SCN11A: variants seen among roughly 807,000 people sequenced by gnomAD.
SCN11A encodes the protein sodium channel protein type 11 subunit alpha.
In SCN11A, 122 loss-of-function variants were observed where a neutral mutation model predicts 162.2. The observed-to-expected ratio is 0.75, with a 90% CI of 0.65 to 0.87. SCN11A has a LOEUF of 0.87. Ranked by LOEUF, SCN11A falls within the 40% of genes least tolerant of loss-of-function variation. SCN11A has a pLI of 0.00. For missense variants in SCN11A, 2,015 were observed against 2,181.6 expected, an observed-to-expected ratio of 0.92 and a Z score of 1.52; for synonymous variants, 758 against 751.5, an observed-to-expected ratio of 1.01 and a Z score of -0.14.
intron 7 of SCN11A, among the ~76,000 whole-genome samples, chr3:38,927,597 T>C (rs772731937): frequency 2.0e-5 from 3 of 152,122 alleles, no homozygotes; most frequent in Non-Finnish European, 4.4e-5. Context: ...TAATTTATCA[T>C]GGAAAGAGAT....
chr3:39,025,564 T>C (rs1258439135), intron 2 of SCN11A, among the ~76,000 whole-genome samples: 2 of 152,024 alleles, frequency 1.3e-5, no homozygotes, highest in Non-Finnish European at 2.9e-5. Flanking sequence ...GGTAACTTCC[T>C]GGCATTGCCA....
chr3:39,032,010 A>C (rs2031773013), intron 2 of SCN11A, among the ~76,000 whole-genome samples: 1 of 152,212 alleles, frequency 6.6e-6, no homozygotes, highest in Non-Finnish European at 1.5e-5. Context: ...AAAAACCAAA[A>C]ATGGTTATAC....
chr3:38,986,258 GAC>G (rs2030238221), intron 2 of SCN11A, among the ~76,000 whole-genome samples: 1 of 150,560 alleles, frequency 6.6e-6, no homozygotes, highest in South Asian at 2.1e-4. Flanking sequence ...AGGAAGTGCC[GAC>G]AGAGCCAGCA....
intron 19 of SCN11A, among the ~76,000 whole-genome samples, chr3:38,893,261 A>C (rs1211593701): frequency 6.6e-6 from 1 of 152,172 alleles, no homozygotes; most frequent in African/African-American, 2.4e-5. Flanking sequence ...AACTTACTAG[A>C]GATAAAGAGG....
At chr3:38,928,065 C>T (rs1291622888) in intron 7 of SCN11A, among the ~76,000 whole-genome samples, 3 of 152,150 alleles carry the variant, frequency 2.0e-5, no homozygotes, top group Admixed American at 1.3e-4. Flanking sequence ...AAAGGACAGT[C>T]TTTTCAACAA....
At chr3:38,938,074 T>C (rs2066365478) in intron 7 of SCN11A, among the ~76,000 whole-genome samples, 1 of 152,180 alleles carries the variant, frequency 6.6e-6, no homozygotes. Context: ...GTTCATGTCC[T>C]TTGTAGGGAC....
rs55781629 is a variant in SCN11A, at chr3:38,849,257, CTTTTTTTTTTTTTTT to C, written c.4327+1209_4327+1223del. On this transcript the variant is annotated intron_variant, in intron 29 of 29. Coordinates refer to ENST00000302328, the MANE Select transcript of SCN11A (RefSeq NM_001349253.2). Reference sequence around the variant, plus strand: ...GACATCTGACCACCATTTTCTAGCCCTTTTTTTTTTTTTTTTTTTTTTTTTTGCTGCTGTCAATTT... The same window carrying C: ...GACATCTGACCACCATTTTCTAGCCCTTTTTTTTTTTGCTGCTGTCAATTT... 2 of 69,858 alleles carry C rather than the reference CTTTTTTTTTTTTTTT, an allele frequency of 2.9e-5. 1 individual carries two copies. Among genetic ancestry groups the C allele is most frequent in the African/African-American group, 1.3e-4 (2 of 15,446 alleles). The allele number at this position is 69,858 out of a possible 1,614,324, so 4.3% of individuals were successfully genotyped here. A position where few individuals can be genotyped will look rare whatever the true frequency, so the allele number is the denominator to read the frequency against.
At chr3:39,017,464 G>A (rs548471105) in intron 2 of SCN11A, among the ~76,000 whole-genome samples, 47 of 152,264 alleles carry the variant, frequency 3.1e-4, no homozygotes, top group African/African-American at 1.1e-3. Context: ...GCTTTTAAGA[G>A]CTTCTCTTTA....
chr3:38,882,226 A>G (rs1024623347), intron 22 of SCN11A, among the ~76,000 whole-genome samples: 1 of 152,164 alleles, frequency 6.6e-6, no homozygotes, highest in Non-Finnish European at 1.5e-5. Flanking sequence ...TCTGGTATGT[A>G]TTCATCTCTT....
intron 2 of SCN11A, among the ~76,000 whole-genome samples, chr3:39,028,877 A>T (rs1232681848): frequency 6.6e-6 from 1 of 152,128 alleles, no homozygotes; most frequent in Admixed American, 6.6e-5. Flanking sequence ...AGCCCTCATG[A>T]CCCAAACACT....
intron 2 of SCN11A, among the ~76,000 whole-genome samples, chr3:39,023,674 G>A (rs62242310): frequency 0.044 from 6,476 of 147,056 alleles, 187 homozygotes; most frequent in Non-Finnish European, 0.066. Flanking sequence ...ACAGAGTCTT[G>A]CTCTGTCACC....
intron 2 of SCN11A, among the ~76,000 whole-genome samples, chr3:39,000,910 G>A (rs752753544): frequency 2.6e-5 from 4 of 152,020 alleles, no homozygotes; most frequent in Admixed American, 6.6e-5. Context: ...GGTGGTGTGC[G>A]CCTACAATCC....
Position 38,939,892 on chromosome 3 carries a change from A to G in SCN11A, c.488+5519T>C, listed in dbSNP as rs151157185. 7.9e-3 allele frequency among the ~76,000 whole-genome samples: 1,196 copies of G among 151,780 alleles called. 18 individuals carry two copies. The highest frequency in any genetic ancestry group is 0.028 in the African/African-American group (1,149 of 41,368). ...CACTCCAGCCTGAGCGACAAGAGTG[A>G]AACCCCATCTCAAAAAAAAAAAAAA... is the stretch of plus-strand genomic sequence containing the variant. On this transcript the variant is annotated intron_variant, in intron 7 of 29. Transcript: ENST00000302328.
At chr3:38,989,325 A>T (rs999816662) in intron 2 of SCN11A, among the ~76,000 whole-genome samples, 1 of 152,184 alleles carries the variant, frequency 6.6e-6, no homozygotes, top group Non-Finnish European at 1.5e-5. Context: ...GGCCCCAGAC[A>T]TCATGGAGCA....
At chr3:38,964,368 G>A (rs35981085) in intron 2 of SCN11A, among the ~76,000 whole-genome samples, 16,573 of 152,196 alleles carry the variant, frequency 0.11, 991 homozygotes, top group Middle Eastern at 0.16. Flanking sequence ...ACATTGAGCC[G>A]CCTCTACTGC....
intron 2 of SCN11A, among the ~76,000 whole-genome samples, chr3:38,977,260 T>C (rs1338679281): frequency 1.3e-5 from 2 of 152,242 alleles, no homozygotes; most frequent in East Asian, 3.8e-4. Context: ...CCATGGTTTC[T>C]TCTCTAGCCA....
chr3:38,912,086 G>A (rs2065894412), intron 11 of SCN11A, among the ~76,000 whole-genome samples: 1 of 152,122 alleles, frequency 6.6e-6, no homozygotes, highest in Non-Finnish European at 1.5e-5. Flanking sequence ...TGAGGAGGAG[G>A]GCATCCATTG....
At position 38,969,478 on chromosome 3, in the gene SCN11A, C is replaced by T. The variant is rs2066803638; in HGVS notation, c.-279-9055G>A. On this transcript the variant is annotated intron_variant, in intron 2 of 29. Coordinates refer to ENST00000302328, the MANE Select transcript of SCN11A (RefSeq NM_001349253.2). The stretch of plus-strand genomic sequence containing the variant: ...CTGCACGGCCCCTCCTTAGGGAACA[C>T]AGGGAGTGAGGGAGTTGAGTTGTAG... 2.0e-5 allele frequency among the ~76,000 whole-genome samples: 3 copies of T among 152,162 alleles called. 1 individual carries two copies. The South Asian group carries it at 6.2e-4, about 32-fold the overall frequency.
chr3:38,937,250 A>G (rs1310576825), intron 7 of SCN11A, among the ~76,000 whole-genome samples: 1 of 151,816 alleles, frequency 6.6e-6, no homozygotes, highest in African/African-American at 2.4e-5. Flanking sequence ...TAAACGTTAG[A>G]CCTAAAACCA....
Sources: gnomAD v4.1 joint callset for allele counts (sites outside exome capture counted in the v4.1 genomes callset) on GRCh38, gnomAD v4.1.1 for gene constraint, MANE v1.5 for transcripts, NCBI Gene and HGNC (gene_info 2026-07-23, HGNC 2026-07-21) for gene names.